Variants in LNX1 observed in about 807,000 individuals in gnomAD.
LNX1 encodes E3 ubiquitin-protein ligase LNX.
In LNX1, 54 loss-of-function variants were observed where a neutral mutation model predicts 68.4. The observed-to-expected ratio is 0.79, with a 90% CI of 0.63 to 0.99. The LOEUF is 0.99. LNX1 is among the 50% of genes least tolerant of loss of function. The pLI is 0.00. For missense variants in LNX1, 906 were observed against 926.4 expected, an observed-to-expected ratio of 0.98 and a Z score of 0.29; for synonymous variants, 336 against 350.0, an observed-to-expected ratio of 0.96 and a Z score of 0.45.
chr4:53,465,834 C>G (rs1029044654), intron 9 of LNX1, among the ~76,000 whole-genome samples: 3 of 152,118 alleles, frequency 2.0e-5, no homozygotes, highest in African/African-American at 7.2e-5. Flanking sequence ...CCCAATGTTT[C>G]TAAGCAAATT....
intron 2 of LNX1, among the ~76,000 whole-genome samples, chr4:53,605,084 C>A (rs1733173668): frequency 5.3e-5 from 8 of 152,088 alleles, no homozygotes; most frequent in Admixed American, 5.2e-4. Flanking sequence ...ACTGGCATAG[C>A]ACCACTTCTC....
chr4:53,477,718 T>G (rs1461301173), intron 8 of LNX1, among the ~76,000 whole-genome samples: 1 of 152,174 alleles, frequency 6.6e-6, no homozygotes, highest in East Asian at 1.9e-4. Context: ...TCATCCTGTT[T>G]TTTTCTGTCC....
At chr4:53,583,365 TG>T (rs1443624139) in intron 1 of LNX1, among the ~76,000 whole-genome samples, 1 of 152,154 alleles carries the variant, frequency 6.6e-6, no homozygotes, top group Non-Finnish European at 1.5e-5. Context: ...GTGTGCATGA[TG>T]GGGGGCAAAT....
intron 9 of LNX1, among the ~76,000 whole-genome samples, chr4:53,475,093 A>C (rs1475132079): frequency 6.6e-6 from 1 of 152,224 alleles, no homozygotes; most frequent in Non-Finnish European, 1.5e-5. Flanking sequence ...AAAAGTAGAG[A>C]AGTGCCATGC....
intron 4 of LNX1, among the ~76,000 whole-genome samples, chr4:53,506,535 CCA>C (rs1209657536): frequency 6.6e-6 from 1 of 152,028 alleles, no homozygotes; most frequent in Non-Finnish European, 1.5e-5. Context: ...CCTCTCTGTG[CCA>C]CAGTTTCCTC....
chr4:53,469,083 G>T lies in LNX1; in HGVS notation c.1893-7490C>A, dbSNP rs531914996. ...CACCTATTCCATAACTGACCACATA[G>T]TTGGAAGTAAAGCACTCCTCAGCAA... On this transcript the variant is annotated intron_variant, in intron 9 of 10. Transcript: ENST00000263925. 1.3e-5 allele frequency among the ~76,000 whole-genome samples: 2 copies of T among 152,066 alleles called. 1 individual carries two copies. The highest frequency in any genetic ancestry group is 3.9e-4 in the East Asian group (2 of 5,184).
At chr4:53,588,840 G>A (rs867279268) in intron 1 of LNX1, among the ~76,000 whole-genome samples, 36 of 152,174 alleles carry the variant, frequency 2.4e-4, no homozygotes, top group East Asian at 5.8e-4. Context: ...CCTGAAGGGC[G>A]AGACCCAGAG....
intron 2 of LNX1, among the ~76,000 whole-genome samples, chr4:53,562,172 G>A (rs17083043): frequency 1.6e-3 from 240 of 152,316 alleles, no homozygotes; most frequent in African/African-American, 5.6e-3. Flanking sequence ...GTCTCGCTCA[G>A]GATCAAGAAG....
intron 1 of LNX1, among the ~76,000 whole-genome samples, chr4:53,581,011 C>T (rs970811963): frequency 2.0e-5 from 3 of 152,086 alleles, no homozygotes; most frequent in Non-Finnish European, 4.4e-5. Flanking sequence ...AAAGTTTAAA[C>T]AGTGACAGGC....
intron 9 of LNX1, among the ~76,000 whole-genome samples, chr4:53,462,366 G>A (rs1392493057): frequency 1.3e-5 from 2 of 150,812 alleles, no homozygotes; most frequent in East Asian, 3.9e-4. Context: ...TGTTAACTAT[G>A]TTATAATTGC....
chr4:53,641,752 A>T (rs539210346), intron 1 of LNX1, among the ~76,000 whole-genome samples: 1 of 152,320 alleles, frequency 6.6e-6, no homozygotes, highest in African/African-American at 2.4e-5. Flanking sequence ...CACATTCCAG[A>T]ACTCCATATA....
chr4:53,593,271 T>A (rs1378588255), upstream of LNX1, among the ~76,000 whole-genome samples: 14 of 152,170 alleles, frequency 9.2e-5, no homozygotes, highest in Non-Finnish European at 2.9e-5. Context: ...GCCAACCTGA[T>A]GAATCATCTA....
intron 1 of LNX1, among the ~76,000 whole-genome samples, chr4:53,634,971 G>T (rs1734414908): frequency 6.6e-6 from 1 of 151,736 alleles, no homozygotes. Flanking sequence ...GACTACAGGT[G>T]CACACTACCA....
chr4:53,532,509 C>T (rs368130481), intron 2 of LNX1, among the ~76,000 whole-genome samples: 4 of 151,838 alleles, frequency 2.6e-5, no homozygotes, highest in Admixed American at 6.6e-5. Flanking sequence ...GACACAAAAC[C>T]GTCAGCTGCA....
rs747343217 is a variant in LNX1 at position 53,508,147 on chromosome 4, C to T, written c.461G>A (p.Ser154Asn). The T allele has an allele frequency of 6.2e-7, 1 of 1,614,114 alleles. No homozygotes were observed. Among genetic ancestry groups the T allele is most frequent in the Non-Finnish European group, 8.5e-7 (1 of 1,179,998 alleles). Reference protein sequence around the residue: ...SQDGCPDGCASLTATAPSPEV... With the variant: ...SQDGCPDGCANLTATAPSPEV... ...TGGGGAGGGAGCCGTGGCTGTGAGG[C>T]TCGCACAGCCGTCTGGACAGCCATC... The change falls in exon 3 of 11, where the codon AGC becomes AAC. Residue 154 changes from serine to asparagine, a missense_variant. Transcript: ENST00000263925.
chr4:53,465,595 T>C (rs1722620023), intron 9 of LNX1, among the ~76,000 whole-genome samples: 1 of 152,218 alleles, frequency 6.6e-6, no homozygotes, highest in Admixed American at 6.5e-5. Context: ...ACCTAAAACT[T>C]CCAATTCACC....
chr4:53,536,044 C>CTA (rs1728349223), intron 2 of LNX1, among the ~76,000 whole-genome samples: 1 of 152,134 alleles, frequency 6.6e-6, no homozygotes, highest in South Asian at 2.1e-4. Context: ...CCAAGTCCTC[C>CTA]TACCTGTTTT....
intron 1 of LNX1, among the ~76,000 whole-genome samples, chr4:53,589,850 C>T (rs1013893140): frequency 2.6e-5 from 4 of 152,170 alleles, no homozygotes; most frequent in Admixed American, 1.3e-4. Context: ...TTTCTTCTAC[C>T]TGGGGGTACA....
intron 2 of LNX1, among the ~76,000 whole-genome samples, chr4:53,529,372 A>G (rs772713893): frequency 2.6e-5 from 4 of 152,196 alleles, no homozygotes; most frequent in Non-Finnish European, 4.4e-5. Flanking sequence ...TCCCTAGTCC[A>G]GAGAACTAGA....
Sources: allele counts gnomAD v4.1 joint callset (sites outside exome capture counted in the v4.1 genomes callset), GRCh38; gene constraint gnomAD v4.1.1; transcripts MANE v1.5; gene names NCBI Gene and HGNC (gene_info 2026-07-23, HGNC 2026-07-21).